The following EVL variants were observed in gnomAD, a reference collection of about 807,000 sequenced individuals.
The protein encoded by EVL is ena/VASP-like protein.
A neutral mutation model predicts 59.6 loss-of-function variants in EVL; 21 were observed. The ratio of observed to expected loss-of-function variants is 0.35; its 90% CI spans 0.25 to 0.51. The LOEUF is 0.51. Ranked by LOEUF, EVL falls within the 20% of genes least tolerant of loss-of-function variation. The pLI, the probability that EVL is intolerant of heterozygous loss-of-function variation, is 0.97. For missense variants in EVL, 462 were observed against 546.6 expected, an observed-to-expected ratio of 0.85 and a Z score of 1.54; for synonymous variants, 198 against 203.5, an observed-to-expected ratio of 0.97 and a Z score of 0.23.
intron 1 of EVL, among the ~76,000 whole-genome samples, chr14:99,993,685 C>CTTTTTTTTTTTTTTTTTTTTTTTTT (rs532512303): frequency 3.8e-5 from 3 of 78,306 alleles, no homozygotes; most frequent in African/African-American, 1.8e-4. Flanking sequence ...TTCTTTCTTT[C>CTTTTTTTTTTTTTTTTTTTTTTTTT]TTTTTTTTTT....
chr14:100,002,628 A>C (rs1024858379), intron 1 of EVL, among the ~76,000 whole-genome samples: 2 of 152,210 alleles, frequency 1.3e-5, no homozygotes, highest in Non-Finnish European at 2.9e-5. Context: ...CCATTTTTGG[A>C]CTTTAGGGAA....
intron 1 of EVL, among the ~76,000 whole-genome samples, chr14:100,060,347 C>T (rs1254061960): frequency 6.7e-6 from 1 of 149,830 alleles, no homozygotes; most frequent in East Asian, 2.0e-4. Flanking sequence ...AGGAGAATGG[C>T]GTGAACCCGG....
chr14:100,006,009 T>TCCCCCCCC (rs58699616), intron 1 of EVL, among the ~76,000 whole-genome samples: 1 of 114,756 alleles, frequency 8.7e-6, no homozygotes, highest in African/African-American at 3.2e-5. Context: ...GCTGGCCATT[T>TCCCCCCCC]CCCCCCCCCC....
chr14:100,079,759 C>T (rs753548403), intron 1 of EVL, among the ~76,000 whole-genome samples: 2 of 152,168 alleles, frequency 1.3e-5, no homozygotes, highest in African/African-American at 4.8e-5. Flanking sequence ...ATTTCAGAAA[C>T]CTTGTTCCCA....
chr14:100,010,118 G>A (rs1196084610), intron 1 of EVL, among the ~76,000 whole-genome samples: 2 of 152,170 alleles, frequency 1.3e-5, no homozygotes, highest in African/African-American at 2.4e-5. Context: ...GGAAAAGAGG[G>A]GGTTCTCTAT....
At chr14:100,122,038 A>G (rs1416292812) in intron 3 of EVL, among the ~76,000 whole-genome samples, 1 of 152,218 alleles carries the variant, frequency 6.6e-6, no homozygotes, top group Non-Finnish European at 1.5e-5. Flanking sequence ...CCAGAGCCCA[A>G]AGCCTGTGCC....
intron 3 of EVL, among the ~76,000 whole-genome samples, chr14:100,116,410 A>G (rs919957176): frequency 1.1e-4 from 17 of 152,192 alleles, no homozygotes; most frequent in African/African-American, 3.9e-4. Flanking sequence ...CTCCGGTTCT[A>G]TCTTTTCAGG....
intron 2 of EVL, among the ~76,000 whole-genome samples, chr14:100,087,130 C>T (rs549427193): frequency 4.7e-4 from 72 of 152,260 alleles, no homozygotes; most frequent in African/African-American, 1.7e-3. Context: ...TCTATTATTT[C>T]ATTCTCCCAG....
intron 2 of EVL, among the ~76,000 whole-genome samples, chr14:100,088,498 G>GTA (rs2062494805): frequency 1.3e-5 from 2 of 152,264 alleles, no homozygotes; most frequent in African/African-American, 4.8e-5. Flanking sequence ...AGGCTGTATG[G>GTA]TATAGCCTGT....
rs372287335 is a variant in EVL, at chr14:100,095,248, AT to A, written c.181-2228del. Reference sequence around the variant, plus strand: ...TAAGGTGGTTTCAAGACCTTCTTCAATTTTTAAAGCATTTTCCTCTGGCTTG... The same window carrying A: ...TAAGGTGGTTTCAAGACCTTCTTCAATTTTAAAGCATTTTCCTCTGGCTTG... On this transcript the variant is annotated intron_variant, in intron 2 of 13. Transcript: ENST00000392920. Among the ~76,000 whole-genome samples, 34 of 152,248 alleles carry A rather than the reference AT, an allele frequency of 2.2e-4. No homozygotes were observed. In the East Asian group the frequency reaches 5.0e-3, roughly 22 times the overall value.
intron 1 of EVL, among the ~76,000 whole-genome samples, chr14:100,054,549 C>G (rs1158390498): frequency 6.6e-6 from 1 of 152,200 alleles, no homozygotes; most frequent in Non-Finnish European, 1.5e-5. Flanking sequence ...TTCCCCTGCT[C>G]TAAATCAACC....
chr14:100,065,606 CT>C, intron 1 of EVL, 95 bp downstream of exon 1: 1 of 650,126 alleles, frequency 1.5e-6, no homozygotes, highest in Non-Finnish European at 2.4e-6. Context: ...CTCAGGTCCC[CT>C]TAGTATACTG....
intron 11 of EVL, chr14:100,138,587 G>GA (rs1888956657): frequency 6.5e-6 from 1 of 152,774 alleles, no homozygotes; most frequent in African/African-American, 2.4e-5. Context: ...CAGGTGGTGA[G>GA]AGCAGAGCAG....
At chr14:100,049,708 C>G (rs2061614483) in intron 1 of EVL, among the ~76,000 whole-genome samples, 1 of 152,120 alleles carries the variant, frequency 6.6e-6, no homozygotes, top group Non-Finnish European at 1.5e-5. Context: ...TTAGTATATT[C>G]ACTGAGTTTT....
Position 99,972,076 on chromosome 14 carries a change from C to T in EVL, c.5+19C>T, listed in dbSNP as rs1340770073. The T allele has an allele frequency of 9.6e-6, 3 of 312,890 alleles. No individual in the cohort carries two copies. Among genetic ancestry groups the T allele is most frequent in the Non-Finnish European group, 1.8e-5 (3 of 171,198 alleles). 19.4% of individuals were successfully genotyped at this position (312,890 alleles called of 1,614,324 possible). ...CAATGAGGTGAGTCGGGGCCGGCGC[C>T]TCGTGGGAGGTGGCAGCGGCCAGCG... is the stretch of plus-strand genomic sequence containing the variant. On this transcript the variant is annotated intron_variant, in intron 1 of 13. Coordinates refer to the EVL transcript ENST00000402714. The surrounding 1 kb of genome is among the most constrained non-coding windows in gnomAD (Gnocchi z 4.4).
intron 3 of EVL, among the ~76,000 whole-genome samples, chr14:100,117,106 C>T (rs2140356521): frequency 6.6e-6 from 1 of 152,306 alleles, no homozygotes; most frequent in Middle Eastern, 3.4e-3. Flanking sequence ...CTTTGTGGTC[C>T]TGACAGACCA....
chr14:99,978,168 G>T (rs1349514331), intron 1 of EVL: 1 of 150,962 alleles, frequency 6.6e-6, no homozygotes, highest in Non-Finnish European at 1.5e-5. Flanking sequence ...GGAGGCCGAG[G>T]CGGGTGGATC....
intron 1 of EVL, among the ~76,000 whole-genome samples, chr14:100,084,300 C>T (rs1329908960): frequency 6.6e-6 from 1 of 152,148 alleles, no homozygotes; most frequent in Admixed American, 6.5e-5. Flanking sequence ...CAGCCTCAGC[C>T]TCCCAAAGTG....
At chr14:99,985,700 G>A (rs990394898) in intron 1 of EVL, among the ~76,000 whole-genome samples, 1 of 151,722 alleles carries the variant, frequency 6.6e-6, no homozygotes, top group Non-Finnish European at 1.5e-5. Flanking sequence ...CCAGGAGGTG[G>A]AGGTTGCGGT....
Sources: allele counts gnomAD v4.1 joint callset (sites outside exome capture counted in the v4.1 genomes callset), GRCh38; gene constraint gnomAD v4.1.1; non-coding constraint Gnocchi (gnomAD v3.1); transcripts MANE v1.5; gene names NCBI Gene and HGNC (gene_info 2026-07-23, HGNC 2026-07-21).